Variants in PCDH11X observed in about 807,000 individuals in gnomAD.
The protein encoded by PCDH11X is protocadherin-11 X-linked.
Under a neutral mutation model 53.3 loss-of-function variants are expected in PCDH11X, and 18 were observed. That is an observed-to-expected ratio of 0.34 (90% CI 0.23 to 0.50). The LOEUF (loss-of-function observed/expected upper bound fraction) is 0.50, where lower values mean the gene tolerates loss of function less well. Among genes scored for constraint, PCDH11X ranks in the 20% least tolerant of loss-of-function variants. The pLI is 0.98. For missense variants in PCDH11X, 570 were observed against 1,032.4 expected (o/e 0.55, Z 6.14); for synonymous variants, 279 against 393.3 (o/e 0.71, Z 3.44).
chrX:91,872,789 C>T (rs766011160), intron 5 of PCDH11X, among the ~76,000 whole-genome samples: 51 of 109,402 alleles, frequency 4.7e-4, no homozygotes, highest in African/African-American at 1.7e-3. Flanking sequence ...TCTCACTGTC[C>T]TCCTGTCATG....
intron 10 of PCDH11X, among the ~76,000 whole-genome samples, chrX:92,609,804 G>A (rs1927179756): frequency 9.1e-6 from 1 of 110,305 alleles, no homozygotes; most frequent in Admixed American, 9.7e-5. Context: ...TTATTTCCAT[G>A]AGTACCCAAT....
At chrX:92,610,183 A>G (rs1019568520) in intron 10 of PCDH11X, among the ~76,000 whole-genome samples, 2 of 112,195 alleles carry the variant, frequency 1.8e-5, no homozygotes, top group Non-Finnish European at 3.8e-5. Flanking sequence ...AATGCTCTCC[A>G]CAAAGGCTGA....
intron 8 of PCDH11X, among the ~76,000 whole-genome samples, chrX:92,308,189 A>T (rs2068871353): frequency 9.1e-6 from 1 of 109,681 alleles, no homozygotes; most frequent in Non-Finnish European, 1.9e-5. Flanking sequence ...GACCTTGAAT[A>T]GCTAATACAG....
At chrX:92,149,419 CTCTT>C (rs1485755230) in intron 6 of PCDH11X, among the ~76,000 whole-genome samples, 3 of 98,818 alleles carry the variant, frequency 3.0e-5, no homozygotes, top group South Asian at 5.2e-4. Flanking sequence ...AGAGATCTCT[CTCTT>C]TCTCTCACTC....
At chrX:92,185,664 G>A (rs1345446656) in intron 6 of PCDH11X, among the ~76,000 whole-genome samples, 1 of 110,906 alleles carries the variant, frequency 9.0e-6, no homozygotes, top group Non-Finnish European at 1.9e-5. Flanking sequence ...CTCAATAGCA[G>A]AAAACAAATA....
chrX:91,861,502 T>C (rs1427893617), intron 5 of PCDH11X, among the ~76,000 whole-genome samples: 1 of 109,318 alleles, frequency 9.1e-6, no homozygotes, highest in African/African-American at 3.4e-5. Flanking sequence ...TGCTGCACTG[T>C]GGAGAATTCC....
intron 6 of PCDH11X, among the ~76,000 whole-genome samples, chrX:91,910,835 T>A (rs896526275): frequency 9.0e-6 from 1 of 111,491 alleles, no homozygotes. Context: ...ACTATAAATA[T>A]AATTGGTTCC....
intron 8 of PCDH11X, among the ~76,000 whole-genome samples, chrX:92,306,652 C>A (rs1231806417): frequency 2.9e-5 from 3 of 103,644 alleles, no homozygotes; most frequent in Admixed American, 1.0e-4. Flanking sequence ...AAAAAAAAAA[C>A]AACTCTTGAC....
At chrX:92,278,332 G>T (rs1427976994) in intron 8 of PCDH11X, among the ~76,000 whole-genome samples, 1 of 111,737 alleles carries the variant, frequency 8.9e-6, no homozygotes, top group East Asian at 2.8e-4. Context: ...TCCTAAGGGA[G>T]GTCCCCCGAT....
chrX:92,125,107 G>A (rs2064837417), intron 6 of PCDH11X, among the ~76,000 whole-genome samples: 2 of 111,435 alleles, frequency 1.8e-5, no homozygotes, highest in African/African-American at 6.5e-5. Context: ...GTATAGGAGA[G>A]GCAGGCAACA....
At chrX:92,037,344 A>C (rs991320528) in intron 6 of PCDH11X, among the ~76,000 whole-genome samples, 2 of 110,511 alleles carry the variant, frequency 1.8e-5, no homozygotes, top group African/African-American at 6.6e-5. Context: ...TTTGCTGAGG[A>C]TGTTGGCATC....
chrX:92,333,730 T>A (rs2148507605), intron 8 of PCDH11X, among the ~76,000 whole-genome samples: 1 of 110,715 alleles, frequency 9.0e-6, no homozygotes, highest in African/African-American at 3.3e-5. Flanking sequence ...GATACCAATT[T>A]AGCATATATA....
In PCDH11X at chrX:92,520,989, T is replaced by G. The variant is rs71204910; in HGVS notation, c.3367+52667T>G. 2.9e-3 allele frequency among the ~76,000 whole-genome samples: 324 copies of G among 111,325 alleles called. 1 individual carries two copies. The South Asian group carries it at 0.049, about 17-fold the overall frequency. ...TTAATTCTAGTTCTCTTGCTATTTC[T>G]ACCACATCTGCAGTGATTTCCTTCA... On this transcript the variant is annotated intron_variant, in intron 10 of 10. Coordinates refer to ENST00000682573, the MANE Select transcript of PCDH11X (RefSeq NM_032968.5).
intron 10 of PCDH11X, among the ~76,000 whole-genome samples, chrX:92,487,048 C>CTTTTTTTTTTTTTTTTTTTTTTTT (rs758641899): frequency 2.9e-5 from 2 of 67,819 alleles, no homozygotes; most frequent in African/African-American, 1.3e-4. Context: ...AATATGCTTC[C>CTTTTTTTTTTTTTTTTTTTTTTTT]TTTTTTTTTT....
At chrX:92,507,096 A>G (rs1348809577) in intron 10 of PCDH11X, among the ~76,000 whole-genome samples, 1 of 109,984 alleles carries the variant, frequency 9.1e-6, no homozygotes, top group Non-Finnish European at 1.9e-5. Flanking sequence ...GACTGTGCTT[A>G]TTTGTATCTT....
At chrX:92,498,227 G>T (rs1017532594) in intron 10 of PCDH11X, among the ~76,000 whole-genome samples, 9 of 110,910 alleles carry the variant, frequency 8.1e-5, no homozygotes, top group African/African-American at 2.9e-4. Context: ...ATGAATGTAT[G>T]CTCCTTAAAA....
intron 6 of PCDH11X, among the ~76,000 whole-genome samples, chrX:92,018,959 T>C (rs1321861163): frequency 1.8e-5 from 2 of 112,454 alleles, no homozygotes; most frequent in Non-Finnish European, 3.8e-5. Flanking sequence ...TTAACATTTT[T>C]AAGTGTTGAA....
intron 5 of PCDH11X, among the ~76,000 whole-genome samples, chrX:91,846,217 T>C (rs1937642276): frequency 8.9e-6 from 1 of 112,105 alleles, no homozygotes; most frequent in Non-Finnish European, 1.9e-5. Context: ...CTATGGAATT[T>C]AGTGACACAA....
intron 6 of PCDH11X, among the ~76,000 whole-genome samples, chrX:92,189,911 T>A (rs947052824): frequency 9.0e-6 from 1 of 111,708 alleles, no homozygotes; most frequent in Non-Finnish European, 1.9e-5. Context: ...TTAATGGGGT[T>A]GTTTGTTTTT....
Sources: gnomAD v4.1 joint callset for allele counts (sites outside exome capture counted in the v4.1 genomes callset) on GRCh38, gnomAD v4.1.1 for gene constraint, MANE v1.5 for transcripts, NCBI Gene and HGNC (gene_info 2026-07-23, HGNC 2026-07-21) for gene names.